Variants in VWA3B observed in about 807,000 individuals in gnomAD.
The protein encoded by VWA3B is von Willebrand factor A domain containing 3B.
Under a neutral mutation model 158.3 loss-of-function variants are expected in VWA3B, and 138 were observed. That is an observed-to-expected ratio of 0.87 (90% CI 0.76 to 1.00). The LOEUF is 1.00. Ranked by LOEUF, VWA3B falls within the 50% of genes least tolerant of loss-of-function variation. The pLI, the probability that VWA3B is intolerant of heterozygous loss-of-function variation, is 0.00. For synonymous variants in VWA3B, 596 were observed against 587.3 expected (o/e 1.01, Z -0.21); for missense variants, 1,555 against 1,565.1 (o/e 0.99, Z 0.11).
chr2:98,147,711 A>G (rs1677279289), intron 7 of VWA3B, among the ~76,000 whole-genome samples: 1 of 151,318 alleles, frequency 6.6e-6, no homozygotes, highest in South Asian at 2.1e-4. Flanking sequence ...TTTTTTAATT[A>G]TTATTATACT....
chr2:98,170,352 C>A (rs190258308), intron 8 of VWA3B, among the ~76,000 whole-genome samples: 249 of 152,246 alleles, frequency 1.6e-3, no homozygotes, highest in African/African-American at 5.9e-3. Flanking sequence ...ATCTGAGACT[C>A]AAGATTTGGC....
intron 5 of VWA3B, among the ~76,000 whole-genome samples, chr2:98,127,237 C>T (rs1675437866): frequency 6.6e-6 from 1 of 152,134 alleles, no homozygotes; most frequent in Non-Finnish European, 1.5e-5. Context: ...GGGTTTTTTA[C>T]TTTCTGAGAT....
At chr2:98,302,554 CT>C (rs1339898479) in intron 25 of VWA3B, among the ~76,000 whole-genome samples, 1 of 152,174 alleles carries the variant, frequency 6.6e-6, no homozygotes, top group African/African-American at 2.4e-5. Flanking sequence ...TTCTTAGGAC[CT>C]TACTGTGTGC....
chr2:98,303,647 T>C, intron 25 of VWA3B, 55 bp from the exon 26 acceptor site: 1 of 1,511,662 alleles, frequency 6.6e-7, no homozygotes, highest in African/African-American at 1.4e-5. Flanking sequence ...AAATTGTATC[T>C]GAATTGTGGA....
intron 25 of VWA3B, among the ~76,000 whole-genome samples, chr2:98,303,055 C>T (rs1364203400): frequency 1.3e-5 from 2 of 152,186 alleles, no homozygotes; most frequent in Non-Finnish European, 2.9e-5. Context: ...AAGCCTTCCC[C>T]TTCCTGATGT....
intron 2 of VWA3B, among the ~76,000 whole-genome samples, chr2:98,096,718 A>ACAGTAGTCT (rs1448211412): frequency 6.6e-6 from 1 of 152,146 alleles, no homozygotes; most frequent in Non-Finnish European, 1.5e-5. Flanking sequence ...GTAATTGTTC[A>ACAGTAGTCT]CAGTAGTCTC....
intron 12 of VWA3B, among the ~76,000 whole-genome samples, chr2:98,211,667 A>G (rs1353130610): frequency 1.3e-5 from 2 of 151,924 alleles, no homozygotes; most frequent in Non-Finnish European, 2.9e-5. Context: ...CAAAAAAATA[A>G]AATTGCATTA....
intron 23 of VWA3B, among the ~76,000 whole-genome samples, chr2:98,295,863 G>C (rs531928956): frequency 6.6e-6 from 1 of 152,328 alleles, no homozygotes; most frequent in East Asian, 1.9e-4. Flanking sequence ...TGGTGGGACA[G>C]GCCAGTCCTG....
In VWA3B at chr2:98,092,840, A is replaced by G. The variant is rs1282486549; in HGVS notation, c.-32-221A>G. 3.5e-4 allele frequency among the ~76,000 whole-genome samples: 44 copies of G among 127,166 alleles called. 1 individual carries two copies. The highest frequency in any genetic ancestry group is 1.4e-3 in the African/African-American group (43 of 30,182). The allele number at this position is 127,166 out of a possible 152,430, so 83.4% of individuals were successfully genotyped here. A position where few individuals can be genotyped will look rare whatever the true frequency, so the allele number is the denominator to read the frequency against. On this transcript the variant is annotated intron_variant, in intron 1 of 27. Transcript: ENST00000477737. ...TGTATATATATATATATATATATAT[A>G]TATATATATATATATATATAGTTGA...
At chr2:98,310,955 ACT>A (rs1186292881) in intron 26 of VWA3B, among the ~76,000 whole-genome samples, 1 of 152,112 alleles carries the variant, frequency 6.6e-6, no homozygotes, top group Non-Finnish European at 1.5e-5. Flanking sequence ...AATAGCAAAA[ACT>A]CTCTTTCTAC....
At chr2:98,243,338 A>ATTT (rs372807114) in intron 19 of VWA3B, among the ~76,000 whole-genome samples, 5,856 of 149,982 alleles carry the variant, frequency 0.039, 160 homozygotes, top group Middle Eastern at 0.076. Flanking sequence ...GTGAGATGTA[A>ATTT]TTTTTTTTTT....
chr2:98,195,188 C>T (rs1179162964), intron 12 of VWA3B, among the ~76,000 whole-genome samples: 2 of 152,200 alleles, frequency 1.3e-5, no homozygotes, highest in African/African-American at 4.8e-5. Flanking sequence ...TGGTGCACAC[C>T]TGTAGTCCCA....
At chr2:98,319,910 T>A in the VWA3B span, among the ~76,000 whole-genome samples, 44 of 118,402 alleles carry the variant, frequency 3.7e-4, no homozygotes, top group Non-Finnish European at 6.1e-4. Flanking sequence ...ACACACACAC[T>A]CACACAACAA....
chr2:98,126,690 A>G (rs1675388920), intron 5 of VWA3B, among the ~76,000 whole-genome samples: 2 of 152,320 alleles, frequency 1.3e-5, no homozygotes, highest in South Asian at 4.1e-4. Flanking sequence ...TGACTTGTAT[A>G]AATTTACAAT....
intron 14 of VWA3B, among the ~76,000 whole-genome samples, chr2:98,224,033 C>A (rs942048266): frequency 1.3e-5 from 2 of 152,164 alleles, no homozygotes; most frequent in East Asian, 3.8e-4. Context: ...CTTTATATTT[C>A]ACAAAACTAT....
chr2:98,103,593 T>G (rs1683233269), intron 2 of VWA3B, among the ~76,000 whole-genome samples: 1 of 152,162 alleles, frequency 6.6e-6, no homozygotes, highest in African/African-American at 2.4e-5. Flanking sequence ...AAAGTACTTG[T>G]TTTTGTTGGA....
Position 98,272,714 on chromosome 2 carries a change from T to C in VWA3B, c.3045+1831T>C, listed in dbSNP as rs114832928. Reference sequence around the variant, plus strand: ...GTTAGGAGTTATGAGCCAGGAATCATGGAAGAAAAGAAATGTATATCTATA... The same window carrying C: ...GTTAGGAGTTATGAGCCAGGAATCACGGAAGAAAAGAAATGTATATCTATA... On this transcript the variant is annotated intron_variant, in intron 22 of 27. Transcript: ENST00000477737. Among the ~76,000 whole-genome samples, 444 of 152,204 alleles carry C rather than the reference T, an allele frequency of 2.9e-3. 1 individual carries two copies. Among genetic ancestry groups the C allele is most frequent in the African/African-American group, 9.8e-3 (405 of 41,518 alleles).
Position 98,192,980 on chromosome 2 carries a change from C to G in VWA3B, c.1549C>G (p.His517Asp). The G allele has an allele frequency of 6.2e-7, 1 of 1,614,142 alleles. No homozygotes were observed. The highest frequency in any genetic ancestry group is 1.3e-5 in the African/African-American group (1 of 75,038). Residue 517 changes from histidine to aspartate, a missense_variant, in exon 11 of 28, where the codon CAC becomes GAC. Physicochemically the swap from His to Asp is moderately conservative, Grantham distance 81. Coordinates refer to ENST00000477737, the MANE Select transcript of VWA3B (RefSeq NM_144992.5). ...DCIYILIDTS[H>D]SMKSKLDLVK... ...CATCTACATTCTCATTGACACGTCT[C>G]ACTCAATGAAGAGCAAACTGGACTT...
At chr2:98,156,568 G>A (rs1219803468) in intron 7 of VWA3B, among the ~76,000 whole-genome samples, 1 of 151,962 alleles carries the variant, frequency 6.6e-6, no homozygotes, top group Admixed American at 6.6e-5. Context: ...TCAAGGAGCA[G>A]CCCTGCCACC....
Sources: gnomAD v4.1 joint callset for allele counts (sites outside exome capture counted in the v4.1 genomes callset) on GRCh38, gnomAD v4.1.1 for gene constraint, MANE v1.5 for transcripts, NCBI Gene and HGNC (gene_info 2026-07-23, HGNC 2026-07-21) for gene names.